SYNE1: variants seen among roughly 807,000 people sequenced by gnomAD.
The protein encoded by SYNE1 is nesprin-1.
Under a neutral mutation model 1,111.0 loss-of-function variants are expected in SYNE1, and 616 were observed. The observed-to-expected ratio is 0.55, with a 90% CI of 0.52 to 0.59. The LOEUF (loss-of-function observed/expected upper bound fraction) is 0.59, where lower values mean the gene tolerates loss of function less well. Ranked by LOEUF, SYNE1 falls within the 20% of genes least tolerant of loss-of-function variation. SYNE1 has a pLI of 0.00. For missense variants in SYNE1, 10,006 were observed against 10,417.0 expected (o/e 0.96, Z 1.72); for synonymous variants, 3,855 against 3,825.8 (o/e 1.01, Z -0.28).
intron 98 of SYNE1, among the ~76,000 whole-genome samples, chr6:152,276,030 C>CTTTTTT (rs749642435): frequency 6.0e-5 from 5 of 84,014 alleles, no homozygotes; most frequent in South Asian, 4.3e-4. Flanking sequence ...TTCTCGACTT[C>CTTTTTT]TTTTTTTTTT....
rs1239634339 is a variant in SYNE1, at chr6:152,135,124, C to A, written c.25768G>T (p.Asp8590Tyr). ...CTTACCATAAGCTGTTTGTGATGGT[C>A]CTGAAGTATCTCTGCATCAAGGTTA... Reference protein sequence around the residue: ...DSNLDAEILQDHHKQLMQIKH... With the variant: ...DSNLDAEILQYHHKQLMQIKH... Residue 8590 changes from aspartate to tyrosine, a missense_variant, in exon 142 of 146, where the codon GAC (aspartate) becomes TAC (tyrosine). Around this residue, in one of 7 missense-constraint regions of SYNE1, gnomAD observed 761 missense variants for 795.5 expected, o/e 0.96. Coordinates refer to ENST00000367255, the MANE Select transcript of SYNE1 (RefSeq NM_182961.4). 1 of 1,614,036 alleles carries A rather than the reference C, an allele frequency of 6.2e-7. No individual in the cohort carries two copies. The highest frequency in any genetic ancestry group is 8.5e-7 in the Non-Finnish European group (1 of 1,179,998).
intron 130 of SYNE1, among the ~76,000 whole-genome samples, chr6:152,172,281 T>A (rs1305748499): frequency 6.6e-6 from 1 of 152,178 alleles, no homozygotes; most frequent in Non-Finnish European, 1.5e-5. Flanking sequence ...CATAGCTTTA[T>A]AAATATACTA....
intron 8 of SYNE1, among the ~76,000 whole-genome samples, chr6:152,505,761 G>A (rs17054436): frequency 0.076 from 11,523 of 152,176 alleles, 513 homozygotes; most frequent in African/African-American, 0.11. Flanking sequence ...AGAGAAAAAT[G>A]TCTGAAAAAA....
rs2097029915 is a variant in SYNE1 at position 152,364,732 on chromosome 6, G to GGAAA, written c.10145+114_10145+115insTTTC. 3 of 1,240,314 alleles carry GGAAA rather than the reference G, an allele frequency of 2.4e-6. No individual in the cohort carries two copies. The African/African-American group carries it at 4.5e-5, about 19-fold the overall frequency. The allele number at this position is 1,240,314 out of a possible 1,614,324, so 76.8% of individuals were successfully genotyped here. A position where few individuals can be genotyped will look rare whatever the true frequency, so the allele number is the denominator to read the frequency against. On this transcript the variant is annotated intron_variant, in intron 63 of 145. Coordinates refer to ENST00000367255, the MANE Select transcript of SYNE1 (RefSeq NM_182961.4). ...AGGAAGGAAGGAAGGAAGGAAGGGA[G>GGAAA]GAAGGAAAGGAAAGGGAAGGGAAGG... is the stretch of plus-strand genomic sequence containing the variant.
rs767422903 is a variant in SYNE1 at position 152,231,510 on chromosome 6, C to T, written c.20920G>A (p.Val6974Met). The change falls in exon 114 of 146, where the codon GTG becomes ATG. Residue 6974 changes from valine (V) to methionine (M), a missense_variant. Val to Met is a conservative substitution (Grantham distance 21, BLOSUM62 1). Around this residue, in one of 7 missense-constraint regions of SYNE1, gnomAD observed 2,182 missense variants for 2,287.8 expected, o/e 0.95. Transcript: ENST00000367255. Reference sequence around the variant, plus strand: ...ACATCCTGACTGCTGATTTGTAGCACGGACTGGTTCACAAAATCCACTGTC... The same window carrying T: ...ACATCCTGACTGCTGATTTGTAGCATGGACTGGTTCACAAAATCCACTGTC... ...QLTVDFVNQSVLQISSQDVES... is the reference protein window; with the variant it reads ...QLTVDFVNQSMLQISSQDVES... 1.4e-5 allele frequency: 22 copies of T among 1,613,916 alleles called. No individual in the cohort carries two copies. The highest frequency in any genetic ancestry group is 6.7e-5 in the East Asian group (3 of 44,890).
At position 152,132,113 on chromosome 6, in the gene SYNE1, G is replaced by A. The variant is rs753098214; in HGVS notation, c.26094+9C>T. ...ATGGGCCAACTGAAAACGACCAGTG[G>A]AAAGTTACCGTTTTCTGTCTGTTTG... On this transcript the variant is annotated intron_variant, in intron 144 of 145. Coordinates refer to ENST00000367255, the MANE Select transcript of SYNE1 (RefSeq NM_182961.4). 1.2e-6 allele frequency: 2 copies of A among 1,613,588 alleles called. No individual in the cohort carries two copies. Among genetic ancestry groups the A allele is most frequent in the East Asian group, 2.2e-5 (1 of 44,876 alleles).
At chr6:152,369,819 C>T (rs1261904693) in intron 59 of SYNE1, among the ~76,000 whole-genome samples, 1 of 151,648 alleles carries the variant, frequency 6.6e-6, no homozygotes, top group Admixed American at 6.6e-5. Context: ...CCCGTCTCTA[C>T]TAAAATACAA....
intron 44 of SYNE1, 113 bp downstream of exon 44, chr6:152,408,955 C>CAAA (rs369206657): frequency 1.0e-3 from 928 of 886,804 alleles, no homozygotes; most frequent in African/African-American, 1.3e-3. Flanking sequence ...ACTCTGTCTC[C>CAAA]AAAAAAAAAA....
intron 98 of SYNE1, among the ~76,000 whole-genome samples, chr6:152,276,240 G>A (rs1322298631): frequency 6.6e-6 from 1 of 151,874 alleles, no homozygotes; most frequent in Non-Finnish European, 1.5e-5. Flanking sequence ...TCACCATGTT[G>A]GCCAGGCTGG....
At chr6:152,316,628 G>T (rs2095730347) in intron 87 of SYNE1, 1 of 570,542 alleles carries the variant, frequency 1.8e-6, no homozygotes, top group Admixed American at 3.0e-5. Context: ...TGTAAGGTAG[G>T]TTTAGGGAAG....
At chr6:152,231,876 A>G (rs1297458397) in intron 113 of SYNE1, among the ~76,000 whole-genome samples, 1 of 151,950 alleles carries the variant, frequency 6.6e-6, no homozygotes, top group Admixed American at 6.6e-5. Flanking sequence ...TTATAAATTT[A>G]TTTTTATAAT....
chr6:152,430,385 CT>C, intron 35 of SYNE1, 96 bp downstream of exon 35: 1 of 1,237,994 alleles, frequency 8.1e-7, no homozygotes, highest in Non-Finnish European at 1.2e-6. Flanking sequence ...CAAATTATGT[CT>C]TTCTCTTATT....
intron 74 of SYNE1, among the ~76,000 whole-genome samples, chr6:152,341,366 C>T (rs929561113): frequency 5.9e-5 from 9 of 152,110 alleles, no homozygotes; most frequent in Non-Finnish European, 1.2e-4. Context: ...GATCTGATTC[C>T]GAAAGCACTG....
intron 32 of SYNE1, among the ~76,000 whole-genome samples, chr6:152,437,686 A>T (rs1158691145): frequency 1.3e-5 from 2 of 152,188 alleles, no homozygotes; most frequent in Non-Finnish European, 2.9e-5. Context: ...AAACCCAGTA[A>T]TAACCTAAGT....
intron 105 of SYNE1, among the ~76,000 whole-genome samples, chr6:152,244,868 T>C (rs1409907674): frequency 1.3e-5 from 2 of 152,144 alleles, no homozygotes; most frequent in Non-Finnish European, 2.9e-5. Context: ...AGAGCAGTTA[T>C]CTTACAGATA....
At chr6:152,241,776 G>A (rs1001712497) in intron 107 of SYNE1, among the ~76,000 whole-genome samples, 2 of 152,178 alleles carry the variant, frequency 1.3e-5, no homozygotes, top group African/African-American at 2.4e-5. Flanking sequence ...CATTTCTAGA[G>A]GAGAGCAAGG....
chr6:152,542,164 T>C (rs1381001169), intron 3 of SYNE1, among the ~76,000 whole-genome samples: 5 of 152,220 alleles, frequency 3.3e-5, no homozygotes, highest in African/African-American at 4.8e-5. Flanking sequence ...TCTGACCTTG[T>C]CTGTGCTTCA....
chr6:152,310,858 A>C lies in SYNE1; in HGVS notation c.16726T>G (p.Ser5576Ala). The C allele has an allele frequency of 1.2e-6, 2 of 1,613,844 alleles. No homozygotes were observed. The highest frequency in any genetic ancestry group is 1.7e-6 in the Non-Finnish European group (2 of 1,179,976). Residue 5576 changes from serine (S) to alanine (A), a missense_variant, in exon 88 of 146, where the codon TCC becomes GCC. Ser to Ala is a moderately conservative substitution (Grantham distance 99). Around this residue, in one of 7 missense-constraint regions of SYNE1, gnomAD observed 4,955 missense variants for 5,017.2 expected, o/e 0.99. Transcript: ENST00000367255. ...TCCAGCTCACTGTCAATTTCTTTGG[A>C]TTCTTCTAGCAGGGTCTAGAGTGAA... is the stretch of plus-strand genomic sequence containing the variant. ...YILHQTLLEESKEIDSELEAM... is the reference protein window; with the variant it reads ...YILHQTLLEEAKEIDSELEAM...
intron 3 of SYNE1, among the ~76,000 whole-genome samples, chr6:152,565,661 C>T (rs1204356904): frequency 6.7e-6 from 1 of 148,344 alleles, no homozygotes; most frequent in African/African-American, 2.5e-5. Flanking sequence ...AAGTTCCCTG[C>T]TGAAGTTTAA....
Sources: gnomAD v4.1 joint callset for allele counts (sites outside exome capture counted in the v4.1 genomes callset) on GRCh38, gnomAD v4.1.1 for gene constraint, gnomAD v4.1.1 regional missense constraint, MANE v1.5 for transcripts, NCBI Gene and HGNC (gene_info 2026-07-23, HGNC 2026-07-21) for gene names.